CHRNE: variants seen among roughly 807,000 people sequenced by gnomAD.
CHRNE encodes acetylcholine receptor subunit epsilon.
In CHRNE, 58 loss-of-function variants were observed where a neutral mutation model predicts 56.5. The observed-to-expected ratio is 1.03, with a 90% CI of 0.83 to 1.28. CHRNE has a LOEUF of 1.28. Among genes scored for constraint, CHRNE ranks in the 50% most tolerant of loss-of-function variants. The pLI, the probability that CHRNE is intolerant of heterozygous loss-of-function variation, is 0.00. For synonymous variants in CHRNE, 385 were observed against 297.9 expected, an observed-to-expected ratio of 1.29 and a Z score of -3.01; for missense variants, 793 against 688.9, an observed-to-expected ratio of 1.15 and a Z score of -1.69.
Position 4,898,433 on chromosome 17 carries a change from C to G in CHRNE, c.*303G>C. The G allele has an allele frequency of 2.1e-6, 1 of 480,040 alleles. No individual in the cohort carries two copies. The highest frequency in any genetic ancestry group is 3.8e-6 in the Non-Finnish European group (1 of 261,128). The allele number at this position is 480,040 out of a possible 1,614,324, so 29.7% of individuals were successfully genotyped here. A position where few individuals can be genotyped will look rare whatever the true frequency, so the allele number is the denominator to read the frequency against. ...TAGATAGCTCACAAGCTGGCAGCCA[C>G]CAGAGTCCCGTGGGGCTGAGCCTTA... On this transcript the variant is annotated 3_prime_UTR_variant, in exon 12 of 12. Coordinates refer to ENST00000649488, the MANE Select transcript of CHRNE (RefSeq NM_000080.4).
chr17:4,899,641 C>A, intron 8 of CHRNE, 59 bp from the exon 9 acceptor site: 1 of 1,465,904 alleles, frequency 6.8e-7, no homozygotes, highest in Non-Finnish European at 9.4e-7. Context: ...GAAGGCGCCG[C>A]GCGCTGACCT....
At position 4,901,204 on chromosome 17, in the gene CHRNE, G is replaced by T. The variant is rs202127846; in HGVS notation, c.602-14C>A. 454 of 1,598,292 alleles carry T rather than the reference G, an allele frequency of 2.8e-4. 3 individuals are homozygous for T. The African/African-American group carries it at 5.3e-3, about 19-fold the overall frequency. ...ACTCGCCGTTCTCTGCGGGACGGGG[G>T]CACGGTCAGCTGGCTGTCAGAGCGG... On this transcript the variant is annotated splice_polypyrimidine_tract_variant and intron_variant, in intron 6 of 11. Transcript: ENST00000649488.
At chr17:4,904,093 G>A (rs1418903220), upstream of CHRNE, among the ~76,000 whole-genome samples, 2 of 152,286 alleles carry the variant, frequency 1.3e-5, no homozygotes, top group East Asian at 1.9e-4. Flanking sequence ...TCCTGACCTC[G>A]TGAGCCACCT....
intron 8 of CHRNE, chr17:4,899,931 T>C (rs920291525): frequency 1.2e-5 from 18 of 1,550,112 alleles, no homozygotes; most frequent in Non-Finnish European, 1.6e-5. Flanking sequence ...CTGCTCCTTC[T>C]CCAGGTGGCC....
In CHRNE at chr17:4,899,358, G is replaced by A. The variant is rs1292243112; in HGVS notation, c.1059C>T (p.Leu353=). 3 of 1,537,238 alleles carry A rather than the reference G, an allele frequency of 2.0e-6. No individual in the cohort carries two copies. The African/African-American group carries it at 4.1e-5, about 21-fold the overall frequency. Residue 353 remains leucine (L), a synonymous_variant, in exon 10 of 12, where the codon CTC becomes CTT. Transcript: ENST00000649488. The part of the protein sequence containing the change: ...RHVLLELLPR[L]LGSPPPPEAP... ...CCTCGGGCGGCGGCGGGGAGCCCAG[G>A]AGGCGCGGCAGCAGCTCCAGGAGAA...
upstream of CHRNE, among the ~76,000 whole-genome samples, chr17:4,905,896 T>G (rs2151100641): frequency 6.6e-6 from 1 of 152,262 alleles, no homozygotes; most frequent in East Asian, 1.9e-4. Flanking sequence ...CTAGGTTTCC[T>G]GTAGTCTTGC....
At chr17:4,899,630 C>T (rs1404591514) in intron 8 of CHRNE, 48 bp from the exon 9 acceptor site, 1 of 1,486,942 alleles carries the variant, frequency 6.7e-7, no homozygotes, top group Non-Finnish European at 9.2e-7. Context: ...TCCCAGCTAC[C>T]GAAGGCGCCG....
In CHRNE at chr17:4,898,447, G is replaced by C; in HGVS notation, c.*289C>G. 2.0e-6 allele frequency: 1 copy of C among 508,878 alleles called. No homozygotes were observed. The highest frequency in any genetic ancestry group is 2.1e-5 in the South Asian group (1 of 48,534). 31.5% of individuals were successfully genotyped at this position (508,878 alleles called of 1,614,324 possible). A position where few individuals can be genotyped will look rare whatever the true frequency, so the allele number is the denominator to read the frequency against. ...GCTGGCAGCCACCAGAGTCCCGTGG[G>C]GCTGAGCCTTAGAAAGGCTGGGAGG... is the stretch of plus-strand genomic sequence containing the variant. On this transcript the variant is annotated 3_prime_UTR_variant, in exon 12 of 12. Coordinates refer to ENST00000649488, the MANE Select transcript of CHRNE (RefSeq NM_000080.4).
At position 4,901,011 on chromosome 17, in the gene CHRNE, C is replaced by A. The variant is rs762509943; in HGVS notation, c.781G>T (p.Ala261Ser). 4.0e-5 allele frequency: 65 copies of A among 1,613,832 alleles called. No homozygotes were observed. Among genetic ancestry groups the A allele is most frequent in the Non-Finnish European group, 5.3e-5 (62 of 1,179,916 alleles). The change falls in exon 7 of 12, where the codon GCC becomes TCC. Residue 261 changes from alanine to serine, a missense_variant. Physicochemically the swap from Ala to Ser is moderately conservative, Grantham distance 99. Transcript: ENST00000649488. Reference sequence around the variant, plus strand: ...TTACCCTGCGCCGGCAGGAAGTAGGCGAGCAGCACCAGGCCCGAGATGAGC... The same window carrying A: ...TTACCCTGCGCCGGCAGGAAGTAGGAGAGCAGCACCAGGCCCGAGATGAGC... ...CVLISGLVLL[A>S]YFLPAQAGGQ...
chr17:4,902,420 ACCT>A lies in CHRNE; in HGVS notation c.234+27_234+29del. 1 of 1,614,046 alleles carries A rather than the reference ACCT, an allele frequency of 6.2e-7. No homozygotes were observed. Among genetic ancestry groups the A allele is most frequent in the Non-Finnish European group, 8.5e-7 (1 of 1,179,982 alleles). ...GGGGAAAAGGGGTGCCCTGGACAAG[ACCT>A]CACACCATTCCCCAGATTTGACTCA... On this transcript the variant is annotated intron_variant, in intron 3 of 11. Transcript: ENST00000649488. This position sits in a 1 kb window ranked among gnomAD's most constrained non-coding sequence, Gnocchi z 4.0.
chr17:4,898,596 G>A lies in CHRNE; in HGVS notation c.*140C>T, dbSNP rs920944550. Reference sequence around the variant, plus strand: ...CAGGCCTACACACGCCAGGGAACGGGCACACACCATTCTTGTGAAGTTCAC... The same window carrying A: ...CAGGCCTACACACGCCAGGGAACGGACACACACCATTCTTGTGAAGTTCAC... On this transcript the variant is annotated 3_prime_UTR_variant, in exon 12 of 12. Transcript: ENST00000649488. 11 of 1,194,824 alleles carry A rather than the reference G, an allele frequency of 9.2e-6. No individual in the cohort carries two copies. The African/African-American group carries it at 1.2e-4, about 13-fold the overall frequency. 74.0% of individuals were successfully genotyped at this position (1,194,824 alleles called of 1,614,324 possible).
intron 5 of CHRNE, 34 bp from the exon 6 acceptor site, chr17:4,901,659 G>T: frequency 6.3e-7 from 1 of 1,586,412 alleles, no homozygotes; most frequent in African/African-American, 1.3e-5. Flanking sequence ...CACCCCAGAA[G>T]CTCTGACCTG....
chr17:4,901,119 G>T lies in CHRNE; in HGVS notation c.673C>A (p.Pro225Thr), dbSNP rs1023841193. ...GAGTAGATGACGTCAGTCTCCCCTGGGCCGTCGGTGGCGCCACCGTGGTGG... is the reference window on the plus strand; with the variant it reads ...GAGTAGATGACGTCAGTCTCCCCTGTGCCGTCGGTGGCGCCACCGTGGTGG... ...RRHHGGATDG[P>T]GETDVIYSLI... The change falls in exon 7 of 12, where the codon CCA (proline) becomes ACA (threonine). Residue 225 changes from proline to threonine, a missense_variant. Coordinates refer to ENST00000649488, the MANE Select transcript of CHRNE (RefSeq NM_000080.4). 9 of 1,612,776 alleles carry T rather than the reference G, an allele frequency of 5.6e-6. No homozygotes were observed. The highest frequency in any genetic ancestry group is 5.3e-5 in the African/African-American group (4 of 74,906).
chr17:4,901,172 A>C lies in CHRNE; in HGVS notation c.620T>G (p.Ile207Ser). Residue 207 changes from isoleucine to serine, a missense_variant, in exon 7 of 12, where the codon ATC becomes AGC. Transcript: ENST00000649488. ...EAYTENGEWA[I>S]DFCPGVIRRH... is the part of the protein sequence containing the mutation. ...GCGGATCACCCCCGGGCAGAAGTCGATGGCCCACTCGCCGTTCTCTGCGGG... is the reference window on the plus strand; with the variant it reads ...GCGGATCACCCCCGGGCAGAAGTCGCTGGCCCACTCGCCGTTCTCTGCGGG... 1 of 1,606,146 alleles carries C rather than the reference A, an allele frequency of 6.2e-7. No homozygotes were observed. The highest frequency in any genetic ancestry group is 8.5e-7 in the Non-Finnish European group (1 of 1,178,682).
Position 4,902,021 on chromosome 17 carries a change from C to T in CHRNE, c.411G>A (p.Thr137=). 1 of 1,614,110 alleles carries T rather than the reference C, an allele frequency of 6.2e-7. No homozygotes were observed. The highest frequency in any genetic ancestry group is 8.5e-7 in the Non-Finnish European group (1 of 1,180,046). ...NVLVYEGGSV[T]WLPPAIYRSV... is the part of the protein sequence containing the mutation. ...TGCGGTAGATGGCCGGAGGCAGCCA[C>T]GTCACGGAGCCGCCCTCGTAGACGA... Residue 137 remains threonine (T), a synonymous_variant, in exon 5 of 12, where the codon ACG becomes ACA. Coordinates refer to ENST00000649488, the MANE Select transcript of CHRNE (RefSeq NM_000080.4). This position sits in a 1 kb window ranked among gnomAD's most constrained non-coding sequence, Gnocchi z 4.0.
intron 5 of CHRNE, 78 bp downstream of exon 5, chr17:4,901,854 G>T: frequency 6.3e-7 from 1 of 1,589,052 alleles, no homozygotes; most frequent in Non-Finnish European, 8.6e-7. Context: ...CCCCGAGGGC[G>T]GTGCTTCCCG....
upstream of CHRNE, among the ~76,000 whole-genome samples, chr17:4,907,055 G>A (rs888971501): frequency 6.6e-6 from 1 of 152,180 alleles, no homozygotes; most frequent in Non-Finnish European, 1.5e-5. Flanking sequence ...GGGAAGGGTA[G>A]TGGGCAGGTA....
In CHRNE at chr17:4,901,166, AAGTCG is replaced by A; in HGVS notation, c.621_625del (p.Asp208LeufsTer20). On this transcript the variant is annotated frameshift_variant, in exon 7 of 12. Transcript: ENST00000649488. LOFTEE classifies it high-confidence loss of function. ...GTGGCGGCGGATCACCCCCGGGCAG[AAGTCG>A]ATGGCCCACTCGCCGTTCTCTGCGG... 1 of 1,607,998 alleles carries A rather than the reference AAGTCG, an allele frequency of 6.2e-7. No homozygotes were observed.
In CHRNE at chr17:4,900,846, G is replaced by C. The variant is rs1282925982; in HGVS notation, c.864C>G (p.Phe288Leu). 6.2e-7 allele frequency: 1 copy of C among 1,614,084 alleles called. No individual in the cohort carries two copies. The highest frequency in any genetic ancestry group is 1.3e-5 in the African/African-American group (1 of 74,944). Reference sequence around the variant, plus strand: ...TCTCTGGGATTTTCTGGGCAATGAGGAACAAGAAGACGGTCTGGGCGAGCA... The same window carrying C: ...TCTCTGGGATTTTCTGGGCAATGAGCAACAAGAAGACGGTCTGGGCGAGCA... ...NVLLAQTVFL[F>L]LIAQKIPETS... is the part of the protein sequence containing the mutation. The change falls in exon 8 of 12, where the codon TTC becomes TTG. Residue 288 changes from phenylalanine (F) to leucine (L), a missense_variant. Transcript: ENST00000649488.
Sources: gnomAD v4.1 joint callset for allele counts (sites outside exome capture counted in the v4.1 genomes callset) on GRCh38, gnomAD v4.1.1 for gene constraint, Gnocchi (gnomAD v3.1) non-coding constraint, MANE v1.5 for transcripts, NCBI Gene and HGNC (gene_info 2026-07-23, HGNC 2026-07-21) for gene names.